The following ANKS1B variants were observed in gnomAD, a reference collection of about 807,000 sequenced individuals.
The protein encoded by ANKS1B is ankyrin repeat and sterile alpha motif domain containing 1B.
A neutral mutation model predicts 148.3 loss-of-function variants in ANKS1B; 36 were observed. The ratio of observed to expected loss-of-function variants is 0.24; its 90% CI spans 0.19 to 0.32. The LOEUF (loss-of-function observed/expected upper bound fraction) is 0.32, where lower values mean the gene tolerates loss of function less well. ANKS1B is among the 10% of genes least tolerant of loss of function. The pLI is 1.00. For missense variants in ANKS1B, 1,157 were observed against 1,542.6 expected (o/e 0.75, Z 4.19); for synonymous variants, 542 against 560.8 (o/e 0.97, Z 0.47).
chr12:99,013,767 A>G (rs1301575622), intron 17 of ANKS1B, among the ~76,000 whole-genome samples: 1 of 152,146 alleles, frequency 6.6e-6, no homozygotes, highest in Non-Finnish European at 1.5e-5. Flanking sequence ...CGACTGCCAC[A>G]AAAAGAATAA....
chr12:99,442,406 C>A (rs556455341), intron 11 of ANKS1B, among the ~76,000 whole-genome samples: 8 of 151,932 alleles, frequency 5.3e-5, no homozygotes, highest in African/African-American at 1.9e-4. Flanking sequence ...TGCCTAAATG[C>A]CCCTGAACCT....
chr12:99,014,354 C>T (rs529706086), intron 17 of ANKS1B, among the ~76,000 whole-genome samples: 10 of 152,192 alleles, frequency 6.6e-5, no homozygotes, highest in Admixed American at 5.2e-4. Flanking sequence ...CTTCCTTACA[C>T]GATATACAAA....
intron 8 of ANKS1B, among the ~76,000 whole-genome samples, chr12:99,751,325 T>C (rs1330541511): frequency 1.3e-5 from 2 of 152,148 alleles, no homozygotes; most frequent in Non-Finnish European, 2.9e-5. Context: ...AAAATCAGTA[T>C]GATACATCAG....
intron 1 of ANKS1B, among the ~76,000 whole-genome samples, chr12:99,980,167 A>T (rs1190067458): frequency 6.6e-6 from 1 of 151,930 alleles, no homozygotes; most frequent in Non-Finnish European, 1.5e-5. Flanking sequence ...AAAAAAAAAA[A>T]TACCAGGAAA....
intron 2 of ANKS1B, among the ~76,000 whole-genome samples, chr12:99,812,996 G>A (rs1001126363): frequency 6.6e-6 from 1 of 151,750 alleles, no homozygotes; most frequent in Admixed American, 6.6e-5. Flanking sequence ...ACTTCTCAGT[G>A]ATGGCACACA....
At chr12:99,782,842 C>G (rs535374404) in intron 4 of ANKS1B, among the ~76,000 whole-genome samples, 1 of 152,280 alleles carries the variant, frequency 6.6e-6, no homozygotes, top group African/African-American at 2.4e-5. Flanking sequence ...TCCTTGACTT[C>G]CAATAGGGTT....
At chr12:99,792,381 AC>A (rs2065763160) in intron 4 of ANKS1B, among the ~76,000 whole-genome samples, 1 of 151,804 alleles carries the variant, frequency 6.6e-6, no homozygotes, top group Non-Finnish European at 1.5e-5. Context: ...ATACTTACAA[AC>A]CCATTCTACA....
At chr12:99,768,624 G>A (rs972163845) in intron 8 of ANKS1B, among the ~76,000 whole-genome samples, 9 of 151,910 alleles carry the variant, frequency 5.9e-5, no homozygotes, top group Admixed American at 1.3e-4. Context: ...TCGGGAGATC[G>A]AGACCATCGT....
chr12:99,659,441 A>T (rs1403921472), intron 8 of ANKS1B, among the ~76,000 whole-genome samples: 3 of 152,170 alleles, frequency 2.0e-5, no homozygotes, highest in East Asian at 3.9e-4. Flanking sequence ...GTTTGAACCC[A>T]TTAGCTTTCT....
intron 12 of ANKS1B, among the ~76,000 whole-genome samples, chr12:99,347,306 T>C (rs1378453194): frequency 5.3e-5 from 8 of 151,952 alleles, no homozygotes; most frequent in Admixed American, 5.3e-4. Flanking sequence ...AGTGAGATGC[T>C]TGGGGGAGTA....
intron 15 of ANKS1B, among the ~76,000 whole-genome samples, chr12:99,132,079 C>T (rs1406471594): frequency 6.6e-6 from 1 of 152,204 alleles, no homozygotes; most frequent in African/African-American, 2.4e-5. Flanking sequence ...CCCCCTCCTT[C>T]CAGCACCGCC....
At chr12:99,339,027 G>C (rs2152319590) in intron 12 of ANKS1B, among the ~76,000 whole-genome samples, 1 of 152,226 alleles carries the variant, frequency 6.6e-6, no homozygotes, top group South Asian at 2.1e-4. Context: ...GCAGTTCCTT[G>C]GCTGGTGTCC....
chr12:99,278,189 G>A (rs2077928589), intron 12 of ANKS1B, among the ~76,000 whole-genome samples: 1 of 152,176 alleles, frequency 6.6e-6, no homozygotes, highest in Non-Finnish European at 1.5e-5. Flanking sequence ...CAGAGAGCTG[G>A]CCAAGAGAAT....
At chr12:98,746,178 CA>C (rs780719113) in intron 26 of ANKS1B, among the ~76,000 whole-genome samples, 23 of 152,166 alleles carry the variant, frequency 1.5e-4, no homozygotes, top group Non-Finnish European at 3.2e-4. Context: ...CCTTGGGAGC[CA>C]GGGGGGCTTC....
At chr12:99,850,386 T>C (rs961568335) in intron 1 of ANKS1B, among the ~76,000 whole-genome samples, 1 of 151,368 alleles carries the variant, frequency 6.6e-6, no homozygotes, top group Non-Finnish European at 1.5e-5. Context: ...ATTATTTAGT[T>C]ATTAGTTATT....
chr12:99,887,965 T>C (rs965877170), intron 1 of ANKS1B, among the ~76,000 whole-genome samples: 2 of 152,212 alleles, frequency 1.3e-5, no homozygotes, highest in African/African-American at 4.8e-5. Flanking sequence ...GTCTGTAGTT[T>C]GGCATAGTCT....
intron 2 of ANKS1B, among the ~76,000 whole-genome samples, chr12:99,815,620 T>C (rs180690668): frequency 7.0e-6 from 1 of 142,536 alleles, no homozygotes; most frequent in African/African-American, 2.6e-5. Flanking sequence ...TTCCAGCGTG[T>C]TGTGTTTTAT....
chr12:99,103,251 C>T (rs952255059), intron 15 of ANKS1B, among the ~76,000 whole-genome samples: 17 of 152,150 alleles, frequency 1.1e-4, no homozygotes, highest in Admixed American at 5.2e-4. Context: ...AATTGCATAG[C>T]AATTCTCTTT....
At chr12:98,761,261 T>C (rs1013766428) in intron 25 of ANKS1B, among the ~76,000 whole-genome samples, 1 of 152,216 alleles carries the variant, frequency 6.6e-6, no homozygotes, top group African/African-American at 2.4e-5. Flanking sequence ...CACCATCTTG[T>C]GTTTTGGAGA....
Sources: allele counts gnomAD v4.1 joint callset (sites outside exome capture counted in the v4.1 genomes callset), GRCh38; gene constraint gnomAD v4.1.1; transcripts MANE v1.5; gene names NCBI Gene and HGNC (gene_info 2026-07-23, HGNC 2026-07-21).